FAM117B: variants seen among roughly 807,000 people sequenced by gnomAD.
FAM117B encodes the protein protein FAM117B.
Under a neutral mutation model 52.8 loss-of-function variants are expected in FAM117B, and 22 were observed. That is an observed-to-expected ratio of 0.42 (90% CI 0.30 to 0.59). FAM117B has a LOEUF of 0.59. FAM117B is among the 20% of genes least tolerant of loss of function. The pLI is 0.22. For synonymous variants in FAM117B, 309 were observed against 324.1 expected, an observed-to-expected ratio of 0.95 and a Z score of 0.50; for missense variants, 678 against 802.6, an observed-to-expected ratio of 0.84 and a Z score of 1.88.
intron 1 of FAM117B, among the ~76,000 whole-genome samples, chr2:202,655,229 T>A (rs1394210712): frequency 1.3e-5 from 2 of 152,216 alleles, no homozygotes; most frequent in Non-Finnish European, 2.9e-5. Context: ...TGCTGAGTAG[T>A]GTTGCATTAT....
intron 1 of FAM117B, among the ~76,000 whole-genome samples, chr2:202,663,742 C>T (rs1023367028): frequency 2.0e-5 from 3 of 152,134 alleles, no homozygotes; most frequent in African/African-American, 7.2e-5. Context: ...CCCTGCCACA[C>T]CCAGCTAAGT....
At chr2:202,694,181 C>T (rs1221887263) in intron 1 of FAM117B, among the ~76,000 whole-genome samples, 2 of 140,102 alleles carry the variant, frequency 1.4e-5, no homozygotes, top group Non-Finnish European at 3.0e-5. Context: ...TATTGCAAAA[C>T]CCACTTCTTT....
chr2:202,669,966 C>G (rs1690266459), intron 1 of FAM117B, among the ~76,000 whole-genome samples: 2 of 152,188 alleles, frequency 1.3e-5, no homozygotes, highest in South Asian at 4.1e-4. Context: ...TCAGGACATT[C>G]TCTTAATTTC....
At chr2:202,734,773 G>C (rs925195539) in intron 4 of FAM117B, among the ~76,000 whole-genome samples, 1 of 152,154 alleles carries the variant, frequency 6.6e-6, no homozygotes, top group Non-Finnish European at 1.5e-5. Flanking sequence ...ATTTGAGGGA[G>C]CACCTAAATG....
chr2:202,702,365 T>C (rs1690806958), intron 2 of FAM117B, among the ~76,000 whole-genome samples: 1 of 151,830 alleles, frequency 6.6e-6, no homozygotes, highest in Non-Finnish European at 1.5e-5. Flanking sequence ...CACTCCCGCC[T>C]GGGCGACAGA....
intron 4 of FAM117B, among the ~76,000 whole-genome samples, chr2:202,741,805 T>C (rs1691544654): frequency 6.6e-6 from 1 of 152,148 alleles, no homozygotes. Flanking sequence ...CAACCTGGGA[T>C]TACAGGCTTG....
At chr2:202,756,626 C>T (rs1691803906) in intron 5 of FAM117B, among the ~76,000 whole-genome samples, 1 of 152,038 alleles carries the variant, frequency 6.6e-6, no homozygotes, top group African/African-American at 2.4e-5. Flanking sequence ...CTCCATCCTG[C>T]TTGATGGGGT....
rs1689816805 is a variant in FAM117B, at chr2:202,644,064, G to GTTTGTTTT, written c.601+8279_601+8280insGTTTTTTT. Among the ~76,000 whole-genome samples the GTTTGTTTT allele has an allele frequency of 1.8e-3, 176 of 95,140 alleles. 1 individual carries two copies. Among genetic ancestry groups the GTTTGTTTT allele is most frequent in the African/African-American group, 7.7e-3 (172 of 22,224 alleles). 62.4% of individuals were successfully genotyped at this position (95,140 alleles called of 152,430 possible). A position where few individuals can be genotyped will look rare whatever the true frequency, so the allele number is the denominator to read the frequency against. On this transcript the variant is annotated intron_variant, in intron 1 of 7. Coordinates refer to ENST00000392238, the MANE Select transcript of FAM117B (RefSeq NM_173511.4). Reference sequence around the variant, plus strand: ...CTGCTTTAGGAGCTGTTTTTTTTTTGTTTTTTTTTTTTTTTTTTTTCAGTT... The same window carrying GTTTGTTTT: ...CTGCTTTAGGAGCTGTTTTTTTTTTGTTTGTTTTTTTTTTTTTTTTTTTTTTTTCAGTT...
intron 7 of FAM117B, among the ~76,000 whole-genome samples, chr2:202,761,143 T>C (rs13412635): frequency 0.5 from 76,149 of 152,184 alleles, 19,610 homozygotes; most frequent in Middle Eastern, 0.62. Context: ...GTGATCCACC[T>C]GCCTTGGCCT....
At chr2:202,707,219 T>G (rs1690884369) in intron 2 of FAM117B, among the ~76,000 whole-genome samples, 1 of 151,804 alleles carries the variant, frequency 6.6e-6, no homozygotes, top group Admixed American at 6.6e-5. Flanking sequence ...TTTTTAATTT[T>G]TTTTTTTTTT....
In FAM117B at chr2:202,656,059, T is replaced by C. The variant is rs551834479; in HGVS notation, c.601+20271T>C. 5.9e-5 allele frequency among the ~76,000 whole-genome samples: 9 copies of C among 152,300 alleles called. No homozygotes were observed. The East Asian group carries it at 7.7e-4, about 13-fold the overall frequency. ...TATTTCATTATTCATCTGTGGAGTT[T>C]GTAGTGGTGGCATCCTTTCGGTCAT... On this transcript the variant is annotated intron_variant, in intron 1 of 7. Coordinates refer to ENST00000392238, the MANE Select transcript of FAM117B (RefSeq NM_173511.4).
rs762038705 is a variant in FAM117B at position 202,765,778 on chromosome 2, G to A, written c.*14G>A. ...GCTGAAGGATAGGTCACAGTGCAAC[G>A]TGGCTGTTGTTCTGGGAAATTGGGA... On this transcript the variant is annotated 3_prime_UTR_variant, in exon 8 of 8. Transcript: ENST00000392238. The A allele has an allele frequency of 8.7e-6, 14 of 1,609,198 alleles. No homozygotes were observed. In the Admixed American group the frequency reaches 1.2e-4, roughly 13 times the overall value.
chr2:202,692,733 A>G (rs183431059), intron 1 of FAM117B, among the ~76,000 whole-genome samples: 6 of 152,210 alleles, frequency 3.9e-5, no homozygotes, highest in African/African-American at 1.4e-4. Context: ...AGAGATGCAC[A>G]TGGCATAACT....
chr2:202,715,349 C>T (rs1326057478), intron 2 of FAM117B, among the ~76,000 whole-genome samples: 78 of 151,388 alleles, frequency 5.2e-4, no homozygotes, highest in African/African-American at 1.8e-3. Flanking sequence ...GGCGGAGACG[C>T]TCCTCACTTC....
intron 1 of FAM117B, among the ~76,000 whole-genome samples, chr2:202,681,492 T>C (rs1019204799): frequency 7.9e-5 from 12 of 152,148 alleles, no homozygotes; most frequent in African/African-American, 2.9e-4. Flanking sequence ...AAAGCTAATA[T>C]AGTGATTACT....
chr2:202,720,155 A>T (rs1446646060), intron 2 of FAM117B, among the ~76,000 whole-genome samples: 1 of 152,140 alleles, frequency 6.6e-6, no homozygotes, highest in Admixed American at 6.5e-5. Context: ...TTATTACTAT[A>T]ATAGTTCCAA....
intron 2 of FAM117B, among the ~76,000 whole-genome samples, chr2:202,724,265 G>A (rs374942039): frequency 3.3e-5 from 5 of 152,098 alleles, no homozygotes; most frequent in African/African-American, 7.2e-5. Context: ...GGCTGTTCTC[G>A]AACTCCTGAC....
At chr2:202,764,165 C>T (rs1176600104) in intron 7 of FAM117B, among the ~76,000 whole-genome samples, 1 of 152,200 alleles carries the variant, frequency 6.6e-6, no homozygotes, top group African/African-American at 2.4e-5. Flanking sequence ...CTCCTCACCC[C>T]ACAAGAACTA....
chr2:202,759,206 A>G, intron 6 of FAM117B, 27 bp from the exon 7 acceptor site: 4 of 1,612,476 alleles, frequency 2.5e-6, no homozygotes, highest in East Asian at 2.2e-5. Context: ...ACATTTATGT[A>G]GTAATCTAAT....
Sources: allele counts gnomAD v4.1 joint callset (sites outside exome capture counted in the v4.1 genomes callset), GRCh38; gene constraint gnomAD v4.1.1; transcripts MANE v1.5; gene names NCBI Gene and HGNC (gene_info 2026-07-23, HGNC 2026-07-21).